CALN1: variants seen among roughly 807,000 people sequenced by gnomAD.
CALN1 encodes calcium-binding protein 8.
Under a neutral mutation model 30.6 loss-of-function variants are expected in CALN1, and 17 were observed. The observed-to-expected ratio is 0.56, with a 90% CI of 0.38 to 0.83. CALN1 has a LOEUF of 0.83. Among genes scored for constraint, CALN1 ranks in the 40% least tolerant of loss-of-function variants. CALN1 has a pLI of 0.00. For missense variants in CALN1, 291 were observed against 354.9 expected, an observed-to-expected ratio of 0.82 and a Z score of 1.45; for synonymous variants, 156 against 131.4, an observed-to-expected ratio of 1.19 and a Z score of -1.28.
At chr7:72,405,307 C>T (rs1336502794) in intron 1 of CALN1, among the ~76,000 whole-genome samples, 5 of 152,234 alleles carry the variant, frequency 3.3e-5, no homozygotes, top group African/African-American at 1.2e-4. Flanking sequence ...CACAACAGCA[C>T]TGGTCTTCAG....
At chr7:72,217,102 G>T (rs962543529) in intron 3 of CALN1, among the ~76,000 whole-genome samples, 1 of 152,168 alleles carries the variant, frequency 6.6e-6, no homozygotes, top group Non-Finnish European at 1.5e-5. Context: ...GAAAATACAA[G>T]AAAGGATTAA....
intron 5 of CALN1, among the ~76,000 whole-genome samples, chr7:71,969,103 A>T (rs570485730): frequency 6.6e-6 from 1 of 152,184 alleles, no homozygotes; most frequent in Middle Eastern, 3.4e-3. Flanking sequence ...TTTGGAAATT[A>T]TATCTCCAAA....
chr7:71,832,424 T>C (rs1048315280), intron 5 of CALN1, among the ~76,000 whole-genome samples: 1 of 152,182 alleles, frequency 6.6e-6, no homozygotes, highest in Non-Finnish European at 1.5e-5. Flanking sequence ...TGCTTGTGCT[T>C]AGCAAATGAA....
At chr7:71,922,590 TTA>T (rs1032640506) in intron 5 of CALN1, among the ~76,000 whole-genome samples, 2 of 113,302 alleles carry the variant, frequency 1.8e-5, no homozygotes, top group African/African-American at 5.5e-5. Context: ...ACAGAATGTA[TTA>T]TATATAAATA....
At chr7:71,951,062 T>C (rs1444010799) in intron 5 of CALN1, among the ~76,000 whole-genome samples, 1 of 152,212 alleles carries the variant, frequency 6.6e-6, no homozygotes, top group Non-Finnish European at 1.5e-5. Flanking sequence ...ATTTATTGCC[T>C]GTCTGCCCCA....
chr7:72,036,690 T>G (rs1368515418), intron 4 of CALN1, among the ~76,000 whole-genome samples: 1 of 152,186 alleles, frequency 6.6e-6, no homozygotes, highest in Non-Finnish European at 1.5e-5. Flanking sequence ...AGGTTTTCTA[T>G]CTCTTTACTG....
At chr7:72,216,798 C>T (rs1398521536) in intron 3 of CALN1, among the ~76,000 whole-genome samples, 1 of 152,160 alleles carries the variant, frequency 6.6e-6, no homozygotes. Flanking sequence ...GTCACCCAGG[C>T]TGGAGTTCAG....
At chr7:71,864,342 T>C (rs576727252) in intron 5 of CALN1, among the ~76,000 whole-genome samples, 1 of 152,270 alleles carries the variant, frequency 6.6e-6, no homozygotes, top group Non-Finnish European at 1.5e-5. Flanking sequence ...TGAACCAGGC[T>C]CTGGTTGGCC....
At chr7:72,326,344 G>A (rs541793261) in intron 2 of CALN1, among the ~76,000 whole-genome samples, 5 of 152,318 alleles carry the variant, frequency 3.3e-5, no homozygotes, top group Admixed American at 6.5e-5. Context: ...GTACTAAGCC[G>A]TGACCCTGTG....
At chr7:72,163,142 T>C (rs1563111223) in intron 3 of CALN1, among the ~76,000 whole-genome samples, 1 of 152,092 alleles carries the variant, frequency 6.6e-6, no homozygotes. Context: ...GGAATTTCAA[T>C]TGAAACTAGA....
intron 5 of CALN1, among the ~76,000 whole-genome samples, chr7:71,998,516 T>C (rs756547764): frequency 6.6e-6 from 1 of 152,044 alleles, no homozygotes; most frequent in African/African-American, 2.4e-5. Flanking sequence ...AAAATGTCGA[T>C]ACCAGTAAAG....
chr7:72,364,166 C>T (rs1803740446), intron 2 of CALN1, among the ~76,000 whole-genome samples: 1 of 152,058 alleles, frequency 6.6e-6, no homozygotes, highest in South Asian at 2.1e-4. Context: ...GAGAAGCATA[C>T]CTCATTACCA....
rs528306754 is a variant in CALN1 at position 71,890,901 on chromosome 7, C to A, written c.502-80409G>T. ...AGCTGAGACTACAGGCATGCACCAC[C>A]ACGCCCAGCTCATTTTTGTATGTTT... On this transcript the variant is annotated intron_variant, in intron 5 of 6. Transcript: ENST00000395275. 4.4e-3 allele frequency among the ~76,000 whole-genome samples: 665 copies of A among 152,122 alleles called. 3 individuals are homozygous for A. Among genetic ancestry groups the A allele is most frequent in the African/African-American group, 0.013 (560 of 41,516 alleles).
intron 2 of CALN1, among the ~76,000 whole-genome samples, chr7:72,373,869 G>A (rs1804392035): frequency 6.6e-6 from 1 of 152,154 alleles, no homozygotes; most frequent in African/African-American, 2.4e-5. Flanking sequence ...AAAGTAAACA[G>A]AAAAATGATG....
chr7:71,852,941 A>G (rs1790734443), intron 5 of CALN1, among the ~76,000 whole-genome samples: 1 of 152,224 alleles, frequency 6.6e-6, no homozygotes, highest in African/African-American at 2.4e-5. Flanking sequence ...GAGACTTTAA[A>G]AATATATTTA....
At chr7:71,860,513 A>C (rs1385854819) in intron 5 of CALN1, among the ~76,000 whole-genome samples, 1 of 151,910 alleles carries the variant, frequency 6.6e-6, no homozygotes, top group Non-Finnish European at 1.5e-5. Flanking sequence ...TTATTCCTTT[A>C]CTTTCTTAAT....
chr7:72,175,951 T>TG (rs1554306248), intron 3 of CALN1, among the ~76,000 whole-genome samples: 1 of 146,244 alleles, frequency 6.8e-6, no homozygotes, highest in African/African-American at 2.5e-5. Context: ...TGCACTAAAA[T>TG]AAAAAAAAAA....
chr7:72,443,163 G>A (rs747476161), intron 1 of CALN1, among the ~76,000 whole-genome samples: 4 of 152,180 alleles, frequency 2.6e-5, no homozygotes, highest in Non-Finnish European at 4.4e-5. Context: ...TCTCAAGAGC[G>A]TGTGTCACCA....
rs567658540 is a variant in CALN1, at chr7:72,395,505, T to G, written c.119+7746A>C. 1.7e-4 allele frequency among the ~76,000 whole-genome samples: 26 copies of G among 152,338 alleles called. No homozygotes were observed. The East Asian group carries it at 4.6e-3, about 27-fold the overall frequency. On this transcript the variant is annotated intron_variant, in intron 2 of 6. Coordinates refer to ENST00000395275, the MANE Select transcript of CALN1 (RefSeq NM_031468.4). ...GATACTCTCCAAGAGGCAGATACAG[T>G]ATGGAGTATCATCCGAATTTTACTG... is the stretch of plus-strand genomic sequence containing the variant.
Sources: allele counts gnomAD v4.1 joint callset (sites outside exome capture counted in the v4.1 genomes callset), GRCh38; gene constraint gnomAD v4.1.1; transcripts MANE v1.5; gene names NCBI Gene and HGNC (gene_info 2026-07-23, HGNC 2026-07-21).